SAMD5: variants seen among roughly 807,000 people sequenced by gnomAD.
The protein encoded by SAMD5 is sterile alpha motif domain-containing protein 5.
SAMD5 carries 13 observed loss-of-function variants against 11.3 expected under a neutral mutation model. That is an observed-to-expected ratio of 1.15 (90% CI 0.75 to 1.83). The LOEUF is 1.83. Among genes scored for constraint, SAMD5 ranks in the 40% most tolerant of loss-of-function variants. SAMD5 has a pLI of 0.00. For synonymous variants in SAMD5, 129 were observed against 111.3 expected (o/e 1.16, Z -1.00); for missense variants, 255 against 239.1 (o/e 1.07, Z -0.44).
the SAMD5 span, among the ~76,000 whole-genome samples, chr6:147,916,404 T>C: frequency 3.0e-3 from 455 of 152,278 alleles, 4 homozygotes; most frequent in African/African-American, 0.011. Flanking sequence ...CCACATCCTC[T>C]CCAGCACCTG....
the SAMD5 span, among the ~76,000 whole-genome samples, chr6:147,834,818 G>A: frequency 4.6e-5 from 7 of 152,298 alleles, no homozygotes; most frequent in South Asian, 1.5e-3. Flanking sequence ...AATGAGAAAT[G>A]TAGTCATTGG....
At chr6:147,728,156 C>T (rs1169124973) in intron 1 of SAMD5, among the ~76,000 whole-genome samples, 1 of 151,814 alleles carries the variant, frequency 6.6e-6, no homozygotes, top group African/African-American at 2.4e-5. Context: ...CTGGGCCCAG[C>T]GGCTCACACC....
At chr6:147,608,944 C>T (rs1789742179) in intron 1 of SAMD5, among the ~76,000 whole-genome samples, 1 of 151,968 alleles carries the variant, frequency 6.6e-6, no homozygotes, top group African/African-American at 2.4e-5. Context: ...TATATATGTA[C>T]TCACAAAAAT....
At chr6:147,599,446 A>G in intron 1 of SAMD5, among the ~76,000 whole-genome samples, 1 of 152,218 alleles carries the variant, frequency 6.6e-6, no homozygotes, top group Non-Finnish European at 1.5e-5. Context: ...TAAAGTACAA[A>G]TTCTAATCTA....
chr6:147,714,750 C>A (rs73014081), intron 1 of SAMD5, among the ~76,000 whole-genome samples: 1 of 152,052 alleles, frequency 6.6e-6, no homozygotes, highest in Non-Finnish European at 1.5e-5. Flanking sequence ...AATACAGATT[C>A]CTGGACTCTA....
the SAMD5 span, among the ~76,000 whole-genome samples, chr6:147,785,684 TG>T: frequency 2.0e-5 from 3 of 152,162 alleles, no homozygotes; most frequent in Non-Finnish European, 4.4e-5. Context: ...AATAGTGTGG[TG>T]ACATTTGAGG....
chr6:147,945,592 C>A, the SAMD5 span, among the ~76,000 whole-genome samples: 2 of 151,942 alleles, frequency 1.3e-5, no homozygotes, highest in East Asian at 3.9e-4. Flanking sequence ...AGAAAAACTT[C>A]CTAGAGGGTG....
At chr6:147,940,997 C>T in the SAMD5 span, among the ~76,000 whole-genome samples, 1 of 152,096 alleles carries the variant, frequency 6.6e-6, no homozygotes, top group African/African-American at 2.4e-5. Flanking sequence ...TCAATTATGC[C>T]ATAACATGTT....
the SAMD5 span, among the ~76,000 whole-genome samples, chr6:147,924,718 A>G: frequency 2.6e-5 from 4 of 151,564 alleles, no homozygotes; most frequent in Non-Finnish European, 5.9e-5. Flanking sequence ...TAAATTATAT[A>G]TATAAATAAC....
chr6:147,901,575 G>A, the SAMD5 span, among the ~76,000 whole-genome samples: 1 of 151,870 alleles, frequency 6.6e-6, no homozygotes, highest in Admixed American at 6.6e-5. Flanking sequence ...ATTTGGATGT[G>A]GCCATTTCTA....
the SAMD5 span, among the ~76,000 whole-genome samples, chr6:147,925,702 T>C: frequency 2.7e-3 from 410 of 150,778 alleles, 2 homozygotes; most frequent in African/African-American, 9.7e-3. Flanking sequence ...TTTTTTTTTT[T>C]TAAGATTCAG....
chr6:147,750,393 A>G, the SAMD5 span, among the ~76,000 whole-genome samples: 2 of 152,310 alleles, frequency 1.3e-5, no homozygotes, highest in African/African-American at 4.8e-5. Context: ...AATTTATCCT[A>G]GTAACTCTCT....
the SAMD5 span, among the ~76,000 whole-genome samples, chr6:147,901,960 A>T: frequency 6.6e-6 from 1 of 152,034 alleles, no homozygotes; most frequent in African/African-American, 2.4e-5. Context: ...ATACTTAATG[A>T]TATTCTTTAT....
At chr6:147,947,352 A>T in the SAMD5 span, 13 of 152,354 alleles carry the variant, frequency 8.5e-5, no homozygotes, top group East Asian at 2.5e-3. Flanking sequence ...TCTACTAAAA[A>T]GTTAATGCTG....
chr6:147,628,917 G>C (rs6929898), intron 1 of SAMD5, among the ~76,000 whole-genome samples: 5,851 of 152,122 alleles, frequency 0.038, 390 homozygotes, highest in African/African-American at 0.13. Flanking sequence ...TTCTCCAGTG[G>C]AATGTCACAG....
At chr6:147,764,635 A>G in the SAMD5 span, among the ~76,000 whole-genome samples, 2 of 152,180 alleles carry the variant, frequency 1.3e-5, no homozygotes, top group African/African-American at 2.4e-5. Context: ...AACTCTGCCA[A>G]AGAGATGACC....
the SAMD5 span, among the ~76,000 whole-genome samples, chr6:147,877,014 G>C: frequency 1.3e-5 from 2 of 152,058 alleles, no homozygotes; most frequent in Admixed American, 1.3e-4. Context: ...CCAGTGGAAA[G>C]CAGACCCATC....
At chr6:147,531,919 TATA>T in intron 1 of SAMD5, among the ~76,000 whole-genome samples, 1 of 152,262 alleles carries the variant, frequency 6.6e-6, no homozygotes, top group Admixed American at 6.5e-5. Context: ...TTATACTCAA[TATA>T]ATAATTTCTC....
chr6:147,816,295 A>T, the SAMD5 span, among the ~76,000 whole-genome samples: 106 of 89,484 alleles, frequency 1.2e-3, no homozygotes, highest in African/African-American at 6.2e-3. Flanking sequence ...AAAAAAAAAA[A>T]AAAAAAATAT....
Sources: gnomAD v4.1 joint callset for allele counts (sites outside exome capture counted in the v4.1 genomes callset) on GRCh38, gnomAD v4.1.1 for gene constraint, MANE v1.5 for transcripts, NCBI Gene and HGNC (gene_info 2026-07-23, HGNC 2026-07-21) for gene names.